The following PTPRT variants were observed in gnomAD, a reference collection of about 807,000 sequenced individuals.
PTPRT encodes the protein receptor-type tyrosine-protein phosphatase T.
Under a neutral mutation model 176.8 loss-of-function variants are expected in PTPRT, and 56 were observed. The observed-to-expected ratio is 0.32, with a 90% confidence interval of 0.26 to 0.40. The LOEUF is 0.40. PTPRT is among the 10% of genes least tolerant of loss of function. The probability of loss-of-function intolerance (pLI) is 1.00; values close to 1 mark genes in which losing one functional copy is unlikely to be tolerated. For missense variants in PTPRT, 1,540 were observed against 1,908.2 expected (o/e 0.81, Z 3.60); for synonymous variants, 783 against 739.0 (o/e 1.06, Z -0.96).
intron 3 of PTPRT, among the ~76,000 whole-genome samples, chr20:42,782,078 C>G (rs751677204): frequency 7.9e-5 from 12 of 152,182 alleles, no homozygotes; most frequent in Non-Finnish European, 1.6e-4. Flanking sequence ...GAATTATTAT[C>G]ACAACTTGAC....
At chr20:42,989,252 A>G (rs1473976128) in intron 1 of PTPRT, among the ~76,000 whole-genome samples, 1 of 152,242 alleles carries the variant, frequency 6.6e-6, no homozygotes, top group African/African-American at 2.4e-5. Context: ...AAATCCTTAA[A>G]TATTTTGCAC....
intron 7 of PTPRT, among the ~76,000 whole-genome samples, chr20:42,499,941 C>T (rs1310555083): frequency 6.6e-6 from 1 of 152,094 alleles, no homozygotes; most frequent in Non-Finnish European, 1.5e-5. Flanking sequence ...TACTGCTATC[C>T]AGTTTTCCAT....
intron 6 of PTPRT, among the ~76,000 whole-genome samples, chr20:42,753,820 T>A (rs746596984): frequency 6.6e-6 from 1 of 152,210 alleles, no homozygotes; most frequent in African/African-American, 2.4e-5. Flanking sequence ...TGGTTTCTCT[T>A]CCCATAGCTC....
chr20:42,257,636 T>C (rs1201932641), intron 13 of PTPRT, among the ~76,000 whole-genome samples: 607 of 6,378 alleles, frequency 0.095, no homozygotes, highest in African/African-American at 0.14. Context: ...GTGTAGCACC[T>C]CCCCCCACCC....
intron 1 of PTPRT, among the ~76,000 whole-genome samples, chr20:43,084,990 T>C (rs1307374729): frequency 3.3e-5 from 5 of 152,248 alleles, no homozygotes; most frequent in African/African-American, 1.2e-4. Context: ...AATCTAACTT[T>C]AACTACCTTA....
chr20:43,068,952 C>T (rs910945675), intron 1 of PTPRT, among the ~76,000 whole-genome samples: 10 of 152,238 alleles, frequency 6.6e-5, no homozygotes, highest in Middle Eastern at 3.4e-3. Context: ...AAACCTACTA[C>T]CTGGTTCTCA....
chr20:42,995,047 C>T (rs191734740), intron 1 of PTPRT, among the ~76,000 whole-genome samples: 5 of 152,180 alleles, frequency 3.3e-5, no homozygotes, highest in African/African-American at 1.2e-4. Flanking sequence ...AGGGAAACAT[C>T]CTAATCTGCT....
At chr20:43,138,474 T>C (rs577846279) in intron 1 of PTPRT, among the ~76,000 whole-genome samples, 5 of 152,302 alleles carry the variant, frequency 3.3e-5, no homozygotes, top group African/African-American at 1.2e-4. Flanking sequence ...TCCTCATCTG[T>C]CACATGATAA....
In PTPRT at chr20:42,791,198, A is replaced by G. The variant is rs913860803; in HGVS notation, c.483T>C (p.Tyr161=). The change falls in exon 3 of 31, where the codon TAT becomes TAC. Residue 161 remains tyrosine, a synonymous_variant. Coordinates refer to ENST00000373187, the MANE Select transcript of PTPRT (RefSeq NM_007050.6). Reference sequence around the variant, plus strand: ...AAACCATGGTAAAATGCCATACCTGATAGAAATGTGGCCAGAAAGTGCTGA... The same window carrying G: ...AAACCATGGTAAAATGCCATACCTGGTAGAAATGTGGCCAGAAAGTGCTGA... The part of the protein sequence containing the change: ...LAISTFWPHF[Y]QVIFESVSLK... 6.3e-7 allele frequency: 1 copy of G among 1,584,804 alleles called. No homozygotes were observed. Among genetic ancestry groups the G allele is most frequent in the African/African-American group, 1.4e-5 (1 of 73,972 alleles).
At chr20:43,026,828 GTCTT>G (rs1001678092) in intron 1 of PTPRT, among the ~76,000 whole-genome samples, 2 of 152,114 alleles carry the variant, frequency 1.3e-5, no homozygotes, top group African/African-American at 4.8e-5. Flanking sequence ...TGTGAAGTTG[GTCTT>G]TCTGTCTCTG....
chr20:42,942,218 T>A (rs1224237336), intron 1 of PTPRT, among the ~76,000 whole-genome samples: 1 of 152,012 alleles, frequency 6.6e-6, no homozygotes, highest in Non-Finnish European at 1.5e-5. Flanking sequence ...ATCCTGAAAA[T>A]AGTACTTGTT....
intron 10 of PTPRT, among the ~76,000 whole-genome samples, chr20:42,351,614 G>A (rs2058285086): frequency 6.6e-6 from 1 of 152,186 alleles, no homozygotes; most frequent in Non-Finnish European, 1.5e-5. Flanking sequence ...CATTGTTGCT[G>A]TCTAGTGGCA....
At chr20:42,767,135 G>A (rs1337786342) in intron 5 of PTPRT, among the ~76,000 whole-genome samples, 1 of 152,128 alleles carries the variant, frequency 6.6e-6, no homozygotes, top group African/African-American at 2.4e-5. Context: ...GTGTTGATAG[G>A]TGCCTTCTTT....
At chr20:43,020,905 A>C (rs940730926) in intron 1 of PTPRT, among the ~76,000 whole-genome samples, 1 of 152,090 alleles carries the variant, frequency 6.6e-6, no homozygotes, top group Non-Finnish European at 1.5e-5. Flanking sequence ...AACTTTAGGC[A>C]CCTGCTTAGA....
intron 1 of PTPRT, among the ~76,000 whole-genome samples, chr20:42,979,995 G>A (rs1270000128): frequency 9.4e-6 from 1 of 106,906 alleles, no homozygotes; most frequent in African/African-American, 3.6e-5. Flanking sequence ...GGGGGTGGGG[G>A]GGGGTCTTCC....
chr20:42,447,050 C>T lies in PTPRT; in HGVS notation c.1560+1170G>A, dbSNP rs113904830. On this transcript the variant is annotated intron_variant, in intron 9 of 30. Coordinates refer to ENST00000373187, the MANE Select transcript of PTPRT (RefSeq NM_007050.6). ...ACCTGTGACTCTCTAGAGAGGTTAT[C>T]GGTCTGTTAGATTAATCTTGAGTAC... Among the ~76,000 whole-genome samples, 536 of 152,252 alleles carry T rather than the reference C, an allele frequency of 3.5e-3. 3 individuals are homozygous for T. Among genetic ancestry groups the T allele is most frequent in the African/African-American group, 0.012 (487 of 41,542 alleles).
intron 16 of PTPRT, among the ~76,000 whole-genome samples, chr20:42,170,792 G>A (rs140120800): frequency 3.2e-4 from 49 of 152,252 alleles, no homozygotes; most frequent in African/African-American, 1.1e-3. Context: ...TGGAACAGAA[G>A]CACATTATGT....
chr20:42,355,580 C>CT (rs2058348007), intron 9 of PTPRT, among the ~76,000 whole-genome samples: 1 of 152,172 alleles, frequency 6.6e-6, no homozygotes, highest in Non-Finnish European at 1.5e-5. Context: ...GAGCAAAGCC[C>CT]AGAGCCACTG....
At chr20:42,240,073 C>T (rs1162690052) in intron 14 of PTPRT, among the ~76,000 whole-genome samples, 1 of 152,174 alleles carries the variant, frequency 6.6e-6, no homozygotes, top group African/African-American at 2.4e-5. Flanking sequence ...TCACCTCAGC[C>T]TGAGCCAAGA....
Sources: allele counts gnomAD v4.1 joint callset (sites outside exome capture counted in the v4.1 genomes callset), GRCh38; gene constraint gnomAD v4.1.1; transcripts MANE v1.5; gene names NCBI Gene and HGNC (gene_info 2026-07-23, HGNC 2026-07-21).